DCC: variants seen among roughly 807,000 people sequenced by gnomAD.
DCC encodes the protein DCC netrin 1 receptor.
DCC carries 58 observed loss-of-function variants against 172.5 expected under a neutral mutation model. That is an observed-to-expected ratio of 0.34 (90% CI 0.27 to 0.42). The LOEUF (loss-of-function observed/expected upper bound fraction) is 0.42. Ranked by LOEUF, DCC falls within the 10% of genes least tolerant of loss-of-function variation. The pLI, the probability that DCC is intolerant of heterozygous loss-of-function variation, is 1.00. For missense variants in DCC, 1,740 were observed against 1,791.0 expected, an observed-to-expected ratio of 0.97 and a Z score of 0.51; for synonymous variants, 709 against 644.5, an observed-to-expected ratio of 1.10 and a Z score of -1.52.
At chr18:52,994,015 A>G (rs1423391669) in intron 5 of DCC, among the ~76,000 whole-genome samples, 1 of 152,142 alleles carries the variant, frequency 6.6e-6, no homozygotes, top group Non-Finnish European at 1.5e-5. Context: ...AGTTGCCCAC[A>G]CTGACAAAAC....
At chr18:52,991,602 T>C (rs1568232108) in intron 5 of DCC, among the ~76,000 whole-genome samples, 2 of 152,176 alleles carry the variant, frequency 1.3e-5, no homozygotes, top group South Asian at 2.1e-4. Flanking sequence ...CATTCCCTCT[T>C]TGTGAAAACT....
At chr18:52,385,756 T>A (rs1985773166) in intron 1 of DCC, among the ~76,000 whole-genome samples, 1 of 152,066 alleles carries the variant, frequency 6.6e-6, no homozygotes, top group Non-Finnish European at 1.5e-5. Flanking sequence ...GAATTAATTA[T>A]CTTTTTCTCT....
intron 1 of DCC, among the ~76,000 whole-genome samples, chr18:52,385,313 G>T (rs7229269): frequency 0.53 from 80,507 of 151,552 alleles, 23,745 homozygotes; most frequent in African/African-American, 0.81. Flanking sequence ...TCTTGTTCTA[G>T]TACCCAGGCT....
Position 53,450,556 on chromosome 18 carries a change from A to G in DCC, c.3286A>G (p.Ser1096Gly), listed in dbSNP as rs747840375. ...PHGSVTPQKN[S>G]NLLVIIVVTV... ...TGGCAGTGTCACTCCTCAGAAGAAC[A>G]GCAACCTGCTTGTGATCATTGTGGT... The change falls in exon 23 of 29, where the codon AGC becomes GGC. Residue 1096 changes from serine to glycine, a missense_variant. This residue lies in a region of DCC where 1,732 missense variants were observed against 1,767.4 expected (regional missense o/e 0.98). Coordinates refer to ENST00000442544, the MANE Select transcript of DCC (RefSeq NM_005215.4). 6.8e-6 allele frequency: 11 copies of G among 1,613,980 alleles called. No homozygotes were observed. The highest frequency in any genetic ancestry group is 3.3e-5 in the Admixed American group (2 of 60,002).
chr18:52,376,785 G>C (rs541594377), intron 1 of DCC, among the ~76,000 whole-genome samples: 15 of 152,260 alleles, frequency 9.9e-5, no homozygotes, highest in African/African-American at 3.6e-4. Context: ...GCTTTGAATA[G>C]ATAGATGCTC....
chr18:53,403,856 G>A (rs1039901428), intron 19 of DCC, among the ~76,000 whole-genome samples: 1 of 152,198 alleles, frequency 6.6e-6, no homozygotes, highest in Admixed American at 6.5e-5. Flanking sequence ...TTTGCAAAAT[G>A]AAAAGATAAC....
intron 11 of DCC, among the ~76,000 whole-genome samples, chr18:53,211,632 G>A (rs986375386): frequency 6.6e-6 from 1 of 152,166 alleles, no homozygotes; most frequent in African/African-American, 2.4e-5. Context: ...GCTGAGGCAG[G>A]AGAATGGCGT....
At chr18:52,871,817 G>T (rs1471718928) in intron 2 of DCC, among the ~76,000 whole-genome samples, 2 of 152,252 alleles carry the variant, frequency 1.3e-5, no homozygotes, top group East Asian at 3.9e-4. Flanking sequence ...ATAGCAGAAG[G>T]TACACGAGTT....
At chr18:53,013,788 A>G (rs2143890683) in intron 5 of DCC, among the ~76,000 whole-genome samples, 1 of 152,198 alleles carries the variant, frequency 6.6e-6, no homozygotes, top group East Asian at 1.9e-4. Flanking sequence ...CACACTTCCA[A>G]TCAACACTCA....
At chr18:53,102,044 G>C (rs1003263360) in intron 7 of DCC, among the ~76,000 whole-genome samples, 1 of 152,076 alleles carries the variant, frequency 6.6e-6, no homozygotes, top group African/African-American at 2.4e-5. Context: ...AGAGCTTAAA[G>C]ACTCAAGTCT....
chr18:53,270,067 T>C (rs1568403512), intron 12 of DCC, among the ~76,000 whole-genome samples: 1 of 152,152 alleles, frequency 6.6e-6, no homozygotes, highest in Admixed American at 6.5e-5. Context: ...CTGGAAACAC[T>C]AGTTGGAGGG....
intron 14 of DCC, among the ~76,000 whole-genome samples, chr18:53,325,110 T>C (rs1293086053): frequency 6.7e-6 from 1 of 149,664 alleles, no homozygotes; most frequent in African/African-American, 2.5e-5. Context: ...GGAGAATTGC[T>C]TGAACCCGGG....
intron 1 of DCC, among the ~76,000 whole-genome samples, chr18:52,520,155 C>T (rs2031767280): frequency 6.6e-6 from 1 of 152,156 alleles, no homozygotes; most frequent in African/African-American, 2.4e-5. Flanking sequence ...GTTCCCAAGC[C>T]CTCAAAACAT....
chr18:53,163,741 TATCTAGCTA>T (rs1462880542), intron 8 of DCC, among the ~76,000 whole-genome samples: 1 of 152,190 alleles, frequency 6.6e-6, no homozygotes, highest in Non-Finnish European at 1.5e-5. Context: ...GCCTCATAGA[TATCTAGCTA>T]TCCCCTCTTA....
intron 1 of DCC, among the ~76,000 whole-genome samples, chr18:52,654,381 T>G (rs896900795): frequency 6.6e-6 from 1 of 152,144 alleles, no homozygotes; most frequent in Non-Finnish European, 1.5e-5. Context: ...AGCATTCCCT[T>G]ATACCTGTAT....
intron 14 of DCC, among the ~76,000 whole-genome samples, chr18:53,326,758 C>T (rs1210380554): frequency 7.2e-6 from 1 of 139,102 alleles, no homozygotes; most frequent in Non-Finnish European, 1.6e-5. Flanking sequence ...AGTCCTAACA[C>T]TCTGAAGTGA....
At chr18:52,343,228 G>C (rs1050191822) in intron 1 of DCC, among the ~76,000 whole-genome samples, 1 of 152,126 alleles carries the variant, frequency 6.6e-6, no homozygotes, top group Admixed American at 6.5e-5. Flanking sequence ...AATTTCCCCT[G>C]TTTAGGAACA....
chr18:52,663,891 G>A (rs997342350), intron 1 of DCC, among the ~76,000 whole-genome samples: 3 of 150,354 alleles, frequency 2.0e-5, no homozygotes. Flanking sequence ...GGAGATACTT[G>A]CTTTATCATT....
At position 53,531,835 on chromosome 18, in the gene DCC, G is replaced by A. The variant is rs1171584466; in HGVS notation, c.*1182G>A. The A allele has an allele frequency of 6.6e-6, 1 of 152,240 alleles. No individual in the cohort carries two copies. The highest frequency in any genetic ancestry group is 2.4e-5 in the African/African-American group (1 of 41,448). The allele number at this position is 152,240 out of a possible 1,614,324, so 9.4% of individuals were successfully genotyped here. Reference sequence around the variant, plus strand: ...AAACTTTTACACTACACCTGTGTCAGAGTCAGGGGGAAGCAGAGGGGCAGG... The same window carrying A: ...AAACTTTTACACTACACCTGTGTCAAAGTCAGGGGGAAGCAGAGGGGCAGG... On this transcript the variant is annotated 3_prime_UTR_variant, in exon 29 of 29. Transcript: ENST00000442544.
Sources: gnomAD v4.1 joint callset for allele counts (sites outside exome capture counted in the v4.1 genomes callset) on GRCh38, gnomAD v4.1.1 for gene constraint, gnomAD v4.1.1 regional missense constraint, MANE v1.5 for transcripts, NCBI Gene and HGNC (gene_info 2026-07-23, HGNC 2026-07-21) for gene names.